TFIP11: variants seen among roughly 807,000 people sequenced by gnomAD.
TFIP11 encodes the protein tuftelin interacting protein 11.
In TFIP11, 86 loss-of-function variants were observed where a neutral mutation model predicts 96.8. The observed-to-expected ratio is 0.89, with a 90% CI of 0.75 to 1.06. TFIP11 has a LOEUF of 1.06. Ranked by LOEUF, TFIP11 falls within the 50% of genes least tolerant of loss-of-function variation. The pLI, the probability that TFIP11 is intolerant of heterozygous loss-of-function variation, is 0.00. For missense variants in TFIP11, 881 were observed against 1,076.7 expected, an observed-to-expected ratio of 0.82 and a Z score of 2.54; for synonymous variants, 405 against 395.2, an observed-to-expected ratio of 1.02 and a Z score of -0.29.
At chr22:26,494,419 A>G in intron 13 of TFIP11, 115 bp from the exon 14 acceptor site, 1 of 1,251,656 alleles carries the variant, frequency 8.0e-7, no homozygotes, top group Non-Finnish European at 1.1e-6. Flanking sequence ...ACACTACTTT[A>G]CAGGGATTTA....
At chr22:26,511,740 A>C (rs77255332) in intron 2 of TFIP11, 19 of 152,274 alleles carry the variant, frequency 1.2e-4, no homozygotes, top group African/African-American at 4.3e-4. Context: ...GCAGTGTCAA[A>C]CTCTGGTCAC....
At chr22:26,493,028 T>G (rs1921415914) in intron 14 of TFIP11, 1 of 152,118 alleles carries the variant, frequency 6.6e-6, no homozygotes, top group Admixed American at 6.5e-5. Flanking sequence ...TAGGCTATTT[T>G]TCTTTTTTTT....
At chr22:26,507,222 C>T in intron 4 of TFIP11, among the ~76,000 whole-genome samples, 1 of 152,092 alleles carries the variant, frequency 6.6e-6, no homozygotes, top group East Asian at 1.9e-4. Context: ...AATTTTCCTA[C>T]ATTTTAAAAA....
At chr22:26,506,665 G>A in intron 5 of TFIP11, 110 bp downstream of exon 5, 2 of 1,442,084 alleles carry the variant, frequency 1.4e-6, no homozygotes, top group Admixed American at 3.8e-5. Flanking sequence ...ACCAAAAGGA[G>A]ACACTCACGA....
At chr22:26,506,247 C>T in intron 6 of TFIP11, 56 bp downstream of exon 6, 1 of 1,505,238 alleles carries the variant, frequency 6.6e-7, no homozygotes, top group Admixed American at 2.3e-5. Context: ...CCCAACGCCC[C>T]TCTCCTTCCC....
At chr22:26,505,577 G>A (rs1002558949) in intron 6 of TFIP11, among the ~76,000 whole-genome samples, 1 of 152,142 alleles carries the variant, frequency 6.6e-6, no homozygotes. Context: ...CATGTCCATC[G>A]TCCCAGGAGC....
rs778535421 is a variant in TFIP11, at chr22:26,503,718, G to C, written c.596C>G (p.Thr199Ser). The change falls in exon 7 of 15, where the codon ACT becomes AGT. Residue 199 changes from threonine (T) to serine (S), a missense_variant. Thr to Ser is a moderately conservative substitution (Grantham distance 58). Coordinates refer to ENST00000407690, the MANE Select transcript of TFIP11 (RefSeq NM_012143.4). ...AVGAYGSERT[T>S]QSMQDFPVVD... ...CACAGGGAAGTCTTGCATGGACTGA[G>C]TGGTGCGCTCGGATCCATAAGCCCC... is the stretch of plus-strand genomic sequence containing the variant. 1 of 1,614,050 alleles carries C rather than the reference G, an allele frequency of 6.2e-7. No homozygotes were observed. Among genetic ancestry groups the C allele is most frequent in the South Asian group, 1.1e-5 (1 of 91,076 alleles).
intron 4 of TFIP11, 21 bp from the exon 5 acceptor site, chr22:26,506,949 C>A (rs1440270759): frequency 6.2e-7 from 1 of 1,611,086 alleles, no homozygotes; most frequent in Admixed American, 1.7e-5. Flanking sequence ...AGAAACAAAG[C>A]CCCACCAGGT....
rs529319491 is a variant in TFIP11 at position 26,498,703 on chromosome 22, A to T, written c.1436+166T>A. On this transcript the variant is annotated intron_variant, in intron 10 of 14. Transcript: ENST00000407690. The stretch of plus-strand genomic sequence containing the variant: ...GGAAATAAAACATTTCAAAAAAATT[A>T]AAAAAAAAAAATTCATAGCCAAATG... The T allele has an allele frequency of 4.5e-3, 1,244 of 278,104 alleles. 2 individuals carry two copies. Among genetic ancestry groups the T allele is most frequent in the African/African-American group, 9.0e-3 (397 of 44,002 alleles). 17.2% of individuals were successfully genotyped at this position (278,104 alleles called of 1,614,324 possible). A position where few individuals can be genotyped will look rare whatever the true frequency, so the allele number is the denominator to read the frequency against.
rs1255509340 is a variant in TFIP11 at position 26,492,216 on chromosome 22, T to C, written c.2311A>G (p.Met771Val). 1.9e-6 allele frequency: 3 copies of C among 1,614,244 alleles called. No homozygotes were observed. Among genetic ancestry groups the C allele is most frequent in the South Asian group, 1.1e-5 (1 of 91,086 alleles). The part of the protein sequence containing the change: ...GIGVAASSVP[M>V]NFKDLIETKA... ...GTCTCAATGAGGTCCTTAAAGTTCA[T>C]GGGCACAGAGCTAGCGGCCACGCCA... Residue 771 changes from methionine (M) to valine (V), a missense_variant, in exon 15 of 15, where the codon ATG becomes GTG. Met to Val is a conservative substitution (Grantham distance 21, BLOSUM62 1). Transcript: ENST00000407690.
In TFIP11 at chr22:26,499,493, C is replaced by T. The variant is rs756223644; in HGVS notation, c.940G>A (p.Gly314Ser). 1.7e-5 allele frequency: 27 copies of T among 1,614,052 alleles called. No homozygotes were observed. The highest frequency in any genetic ancestry group is 1.2e-4 in the South Asian group (11 of 91,094). The change falls in exon 9 of 15, where the codon GGC becomes AGC. Residue 314 changes from glycine to serine, a missense_variant. Coordinates refer to ENST00000407690, the MANE Select transcript of TFIP11 (RefSeq NM_012143.4). ...PQSGKEAKAP[G>S]FALPELEHNL... ...TGCTCCAGCTCGGGCAGCGCGAAGC[C>T]GGGGGCCTTGGCCTCTTTGCCAGAC...
At position 26,491,573 on chromosome 22, in the gene TFIP11, C is replaced by A; in HGVS notation, c.*440G>T. On this transcript the variant is annotated 3_prime_UTR_variant, in exon 15 of 15. Coordinates refer to ENST00000407690, the MANE Select transcript of TFIP11 (RefSeq NM_012143.4). ...CTGTGCAAAAGCTAGAACAGCTCTC[C>A]ATAGATATTTGGGAGTTTCGGGAAG... 3 of 1,614,126 alleles carry A rather than the reference C, an allele frequency of 1.9e-6. No homozygotes were observed. Among genetic ancestry groups the A allele is most frequent in the Non-Finnish European group, 2.5e-6 (3 of 1,179,982 alleles).
intron 6 of TFIP11, among the ~76,000 whole-genome samples, chr22:26,504,501 T>C (rs375075807): frequency 6.6e-6 from 1 of 150,896 alleles, no homozygotes; most frequent in African/African-American, 2.4e-5. Context: ...CTGGGCAACA[T>C]AGTAAGACCC....
chr22:26,507,041 G>T, intron 4 of TFIP11, 113 bp from the exon 5 acceptor site: 5 of 1,291,638 alleles, frequency 3.9e-6, no homozygotes, highest in South Asian at 3.2e-5. Context: ...TCTCATGGGA[G>T]GTTTTTTAAA....
chr22:26,505,696 CTATTTATT>C (rs67577358), intron 6 of TFIP11, among the ~76,000 whole-genome samples: 22,265 of 143,082 alleles, frequency 0.16, 2,024 homozygotes, highest in South Asian at 0.34. Flanking sequence ...TTTATTTATT[CTATTTATT>C]TATTTATTTA....
intron 14 of TFIP11, chr22:26,493,375 T>C (rs540822898): frequency 2.6e-5 from 4 of 152,334 alleles, no homozygotes; most frequent in African/African-American, 7.2e-5. Flanking sequence ...GAAATTCCAG[T>C]TCTAACTGCC....
At position 26,494,239 on chromosome 22, in the gene TFIP11, C is replaced by A; in HGVS notation, c.2058G>T (p.Trp686Cys). The A allele has an allele frequency of 6.2e-7, 1 of 1,614,226 alleles. No homozygotes were observed. Among genetic ancestry groups the A allele is most frequent in the Non-Finnish European group, 8.5e-7 (1 of 1,180,048 alleles). Residue 686 changes from tryptophan to cysteine, a missense_variant, in exon 14 of 15, where the codon TGG becomes TGT. Trp to Cys is a radical substitution (Grantham distance 215, BLOSUM62 -2). Coordinates refer to ENST00000407690, the MANE Select transcript of TFIP11 (RefSeq NM_012143.4). ...GCACTTGGTCTGAGAACATCGACTT[C>A]CAACCCAGGTACCACTTGGTGATCT... ...YEEITKWYLGWKSMFSDQVLA... is the reference protein window; with the variant it reads ...YEEITKWYLGCKSMFSDQVLA...
intron 10 of TFIP11, among the ~76,000 whole-genome samples, chr22:26,497,236 G>A (rs919118313): frequency 3.3e-5 from 5 of 152,192 alleles, no homozygotes; most frequent in South Asian, 2.1e-4. Context: ...CAATTTCAAC[G>A]TCACCTCCCC....
At chr22:26,500,614 T>TA (rs1317849991) in intron 8 of TFIP11, among the ~76,000 whole-genome samples, 4 of 152,004 alleles carry the variant, frequency 2.6e-5, no homozygotes, top group Non-Finnish European at 4.4e-5. Context: ...CACCACTTTT[T>TA]AAGTAAGAGT....
Sources: gnomAD v4.1 joint callset for allele counts (sites outside exome capture counted in the v4.1 genomes callset) on GRCh38, gnomAD v4.1.1 for gene constraint, MANE v1.5 for transcripts, NCBI Gene and HGNC (gene_info 2026-07-23, HGNC 2026-07-21) for gene names.